The following REDIC1 variants were observed in gnomAD, a reference collection of about 807,000 sequenced individuals.
REDIC1 encodes HEI10 Interacting Protein 1.
the REDIC1 span, among the ~76,000 whole-genome samples, chr12:39,671,076 G>A: frequency 2.2e-4 from 34 of 152,214 alleles, no homozygotes; most frequent in South Asian, 1.9e-3. Context: ...GAATTAATGT[G>A]TTCTTTTGAA....
At chr12:39,673,079 C>T in the REDIC1 span, among the ~76,000 whole-genome samples, 2 of 152,010 alleles carry the variant, frequency 1.3e-5, no homozygotes, top group Non-Finnish European at 2.9e-5. Context: ...AACCTTTTCC[C>T]ACACTGGGGA....
chr12:39,730,151 C>T, the REDIC1 span, among the ~76,000 whole-genome samples: 1 of 152,018 alleles, frequency 6.6e-6, no homozygotes, highest in Non-Finnish European at 1.5e-5. Flanking sequence ...GCATTTAGCC[C>T]ATTTACATTT....
the REDIC1 span, among the ~76,000 whole-genome samples, chr12:39,710,186 T>A: frequency 2.0e-5 from 3 of 151,858 alleles, no homozygotes; most frequent in South Asian, 2.1e-4. Flanking sequence ...TTTAAAAAAA[T>A]TTAATACTTT....
the REDIC1 span, among the ~76,000 whole-genome samples, chr12:39,828,507 A>G: frequency 6.6e-6 from 1 of 152,150 alleles, no homozygotes; most frequent in African/African-American, 2.4e-5. Context: ...TATTTGCAAA[A>G]AAGCCAAAAC....
the REDIC1 span, among the ~76,000 whole-genome samples, chr12:39,788,862 C>A: frequency 3.3e-5 from 5 of 152,264 alleles, no homozygotes; most frequent in South Asian, 1.0e-3. Context: ...AACTACTCAT[C>A]TACATGTAGC....
At chr12:39,712,816 C>CAT in the REDIC1 span, among the ~76,000 whole-genome samples, 111,850 of 144,246 alleles carry the variant, frequency 0.78, 44,088 homozygotes, top group Non-Finnish European at 0.84. Flanking sequence ...TACTCGTATA[C>CAT]ATGTGTGTAT....
At chr12:39,895,427 T>A in the REDIC1 span, among the ~76,000 whole-genome samples, 1 of 144,002 alleles carries the variant, frequency 6.9e-6, no homozygotes, top group African/African-American at 2.6e-5. Context: ...GAGGTGGAGC[T>A]TGCAGTGAGC....
At chr12:39,735,832 A>T in the REDIC1 span, among the ~76,000 whole-genome samples, 1 of 152,246 alleles carries the variant, frequency 6.6e-6, no homozygotes, top group Non-Finnish European at 1.5e-5. Flanking sequence ...TAGCAACCTT[A>T]CAGGAAACTA....
the REDIC1 span, among the ~76,000 whole-genome samples, chr12:39,906,990 T>C: frequency 6.6e-6 from 1 of 152,178 alleles, no homozygotes; most frequent in Non-Finnish European, 1.5e-5. Flanking sequence ...GTCTCTTAGA[T>C]TTTTTCCAGT....
At chr12:39,786,287 C>T in the REDIC1 span, among the ~76,000 whole-genome samples, 1 of 152,044 alleles carries the variant, frequency 6.6e-6, no homozygotes, top group South Asian at 2.1e-4. Flanking sequence ...CTCATGAGAT[C>T]TGATGGTTTT....
At chr12:39,778,620 T>C in the REDIC1 span, among the ~76,000 whole-genome samples, 1 of 152,216 alleles carries the variant, frequency 6.6e-6, no homozygotes, top group African/African-American at 2.4e-5. Context: ...TAACGTATTA[T>C]TACATTAAAT....
At chr12:39,807,734 C>A in the REDIC1 span, among the ~76,000 whole-genome samples, 1 of 152,132 alleles carries the variant, frequency 6.6e-6, no homozygotes, top group African/African-American at 2.4e-5. Flanking sequence ...TAAGTGCACC[C>A]TTTCAATTAT....
At chr12:39,731,108 T>G in the REDIC1 span, among the ~76,000 whole-genome samples, 2 of 152,214 alleles carry the variant, frequency 1.3e-5, no homozygotes, top group South Asian at 2.1e-4. Flanking sequence ...CACGCGTCTT[T>G]AGCTCGGAGG....
chr12:39,665,215 G>A, the REDIC1 span, among the ~76,000 whole-genome samples: 19 of 151,990 alleles, frequency 1.3e-4, no homozygotes, highest in African/African-American at 4.6e-4. Flanking sequence ...GGTCTAACAT[G>A]TAAGTCTTTA....
At chr12:39,782,099 C>G in the REDIC1 span, among the ~76,000 whole-genome samples, 2 of 152,244 alleles carry the variant, frequency 1.3e-5, no homozygotes. Context: ...AAGACCAAAT[C>G]TTAGGACATA....
chr12:39,638,963 T>G, the REDIC1 span, among the ~76,000 whole-genome samples: 9 of 152,176 alleles, frequency 5.9e-5, no homozygotes, highest in South Asian at 1.7e-3. Context: ...TTTCTTAATT[T>G]TACTGAGCTC....
At chr12:39,795,016 T>C in the REDIC1 span, among the ~76,000 whole-genome samples, 1 of 152,178 alleles carries the variant, frequency 6.6e-6, no homozygotes, top group Non-Finnish European at 1.5e-5. Context: ...GTGTGGATAT[T>C]GTCTTACTGC....
the REDIC1 span, among the ~76,000 whole-genome samples, chr12:39,761,346 A>C: frequency 6.6e-6 from 1 of 152,042 alleles, no homozygotes; most frequent in African/African-American, 2.4e-5. Flanking sequence ...AGATATAGTT[A>C]AGAGATGGTT....
chr12:39,764,009 C>G, the REDIC1 span, among the ~76,000 whole-genome samples: 14 of 152,134 alleles, frequency 9.2e-5, no homozygotes, highest in South Asian at 2.1e-4. Context: ...TACTGTTAAG[C>G]ATTTGAGGAA....
Sources: allele counts gnomAD v4.1 joint callset (sites outside exome capture counted in the v4.1 genomes callset), GRCh38; gene constraint gnomAD v4.1.1; transcripts MANE v1.5; gene names NCBI Gene and HGNC (gene_info 2026-07-23, HGNC 2026-07-21).